The following KCNK2 variants were observed in gnomAD, a reference collection of about 807,000 sequenced individuals.
KCNK2 encodes the protein potassium two pore domain channel subfamily K member 2.
KCNK2 carries 21 observed loss-of-function variants against 40.5 expected under a neutral mutation model. That is an observed-to-expected ratio of 0.52 (90% CI 0.37 to 0.75). The LOEUF (loss-of-function observed/expected upper bound fraction) is 0.75. Among genes scored for constraint, KCNK2 ranks in the 30% least tolerant of loss-of-function variants. The pLI, the probability that KCNK2 is intolerant of heterozygous loss-of-function variation, is 0.00. For synonymous variants in KCNK2, 191 were observed against 202.2 expected (o/e 0.94, Z 0.47); for missense variants, 399 against 531.6 (o/e 0.75, Z 2.45).
At chr1:215,166,458 T>G (rs1407662647) in intron 3 of KCNK2, among the ~76,000 whole-genome samples, 1 of 152,152 alleles carries the variant, frequency 6.6e-6, no homozygotes, top group African/African-American at 2.4e-5. Context: ...TAATCCTAAC[T>G]TTTTGGTAGC....
At chr1:215,039,355 C>A (rs2102491374) in intron 1 of KCNK2, among the ~76,000 whole-genome samples, 1 of 152,228 alleles carries the variant, frequency 6.6e-6, no homozygotes, top group Middle Eastern at 3.4e-3. Flanking sequence ...AGCCACTTAT[C>A]AGAGAAGCCA....
chr1:215,124,633 C>T lies in KCNK2; in HGVS notation c.358C>T (p.Gln120Ter). Residue 120 changes from glutamine to a stop codon, truncating the protein, a stop_gained and splice_region_variant, in exon 3 of 7, where the codon CAA (glutamine) becomes TAA (stop). Coordinates refer to ENST00000444842, the MANE Select transcript of KCNK2 (RefSeq NM_001017425.3). LOFTEE classifies it high-confidence loss of function. ...NSTELDELIQ[Q>*]IVAAINAGII... is the part of the protein sequence containing the mutation. ...GATAAATTTCTTTTTAAACTTGCAG[C>T]AAATAGTGGCAGCAATAAATGCAGG... The T allele has an allele frequency of 6.3e-7, 1 of 1,584,806 alleles. No homozygotes were observed. The highest frequency in any genetic ancestry group is 8.7e-7 in the Non-Finnish European group (1 of 1,153,364).
At chr1:215,224,256 T>C (rs1222315719) in intron 6 of KCNK2, among the ~76,000 whole-genome samples, 1 of 152,070 alleles carries the variant, frequency 6.6e-6, no homozygotes, top group African/African-American at 2.4e-5. Context: ...TCTAAGTGGG[T>C]AACCCCACTT....
chr1:215,173,998 G>A (rs1045028806), intron 5 of KCNK2, among the ~76,000 whole-genome samples: 1 of 152,120 alleles, frequency 6.6e-6, no homozygotes, highest in African/African-American at 2.4e-5. Context: ...GTCAATTTTG[G>A]CTTTTGTTGC....
At chr1:215,146,800 CA>C (rs1420872351) in intron 3 of KCNK2, among the ~76,000 whole-genome samples, 2 of 152,180 alleles carry the variant, frequency 1.3e-5, no homozygotes, top group Non-Finnish European at 2.9e-5. Flanking sequence ...ACTTTGTACA[CA>C]TTACTTCACT....
At chr1:215,071,936 G>A (rs1197160000) in intron 1 of KCNK2, among the ~76,000 whole-genome samples, 2 of 152,156 alleles carry the variant, frequency 1.3e-5, no homozygotes, top group Non-Finnish European at 2.9e-5. Context: ...CAAGTGCAAG[G>A]TTAGATCTTG....
At chr1:215,176,151 G>A (rs1663959043) in intron 5 of KCNK2, among the ~76,000 whole-genome samples, 1 of 152,012 alleles carries the variant, frequency 6.6e-6, no homozygotes, top group South Asian at 2.1e-4. Flanking sequence ...AGCCTTACCA[G>A]CATTATTATT....
rs545832041 is a variant in KCNK2 at position 215,120,613 on chromosome 1, C to T, written c.358-4020C>T. On this transcript the variant is annotated intron_variant, in intron 2 of 6. Transcript: ENST00000444842. ...CCTAATTGTTTGTGTGCACGTGAAT[C>T]TGTGGCATTTCCATGTTTATTAACT... is the stretch of plus-strand genomic sequence containing the variant. Among the ~76,000 whole-genome samples, 3 of 152,272 alleles carry T rather than the reference C, an allele frequency of 2.0e-5. No homozygotes were observed. In the East Asian group the frequency reaches 5.8e-4, roughly 29 times the overall value.
chr1:215,130,956 G>A (rs1467201685), intron 3 of KCNK2, among the ~76,000 whole-genome samples: 1 of 151,676 alleles, frequency 6.6e-6, no homozygotes, highest in Non-Finnish European at 1.5e-5. Flanking sequence ...CGCCTCCCAG[G>A]TTCACGCCAT....
chr1:215,034,472 A>G (rs947771369), intron 1 of KCNK2, among the ~76,000 whole-genome samples: 1 of 152,082 alleles, frequency 6.6e-6, no homozygotes, highest in Admixed American at 6.6e-5. Context: ...TAATGTAAGC[A>G]TGTATCTAAC....
intron 6 of KCNK2, among the ~76,000 whole-genome samples, chr1:215,210,409 T>G (rs1665690261): frequency 3.9e-5 from 6 of 151,912 alleles, no homozygotes. Context: ...CTTCATGAAG[T>G]GCAGTATGCA....
intron 3 of KCNK2, among the ~76,000 whole-genome samples, chr1:215,161,700 GCTTGCTGAGAATGATGGTTT>G (rs1663204091): frequency 6.6e-6 from 1 of 151,630 alleles, no homozygotes; most frequent in African/African-American, 2.4e-5. Flanking sequence ...TTCCTGTGTT[GCTTGCTGAGAATGATGGTTT>G]CTAGCTTCAT....
chr1:215,198,306 G>A (rs1664950637), intron 6 of KCNK2, among the ~76,000 whole-genome samples: 1 of 152,118 alleles, frequency 6.6e-6, no homozygotes, highest in Non-Finnish European at 1.5e-5. Context: ...CTGGACAGGG[G>A]AGCCAGTTGA....
At position 215,221,024 on chromosome 1, in the gene KCNK2, C is replaced by A. The variant is rs188065028; in HGVS notation, c.964-13804C>A. Among the ~76,000 whole-genome samples, 320 of 152,356 alleles carry A rather than the reference C, an allele frequency of 2.1e-3. 2 individuals carry two copies. The highest frequency in any genetic ancestry group is 7.0e-3 in the African/African-American group (292 of 41,580). On this transcript the variant is annotated intron_variant, in intron 6 of 6. Transcript: ENST00000444842. The stretch of plus-strand genomic sequence containing the variant: ...TTGAACAATGCAGGAGTGAGGGGCA[C>A]TGACCCCTTTCCCTGCACAGTCAAA...
At chr1:215,053,601 C>G (rs1342360859) in intron 1 of KCNK2, among the ~76,000 whole-genome samples, 1 of 152,124 alleles carries the variant, frequency 6.6e-6, no homozygotes, top group East Asian at 1.9e-4. Context: ...ACAATTGCAA[C>G]CAGGAAATTC....
chr1:215,171,982 C>G lies in KCNK2; in HGVS notation c.637-15C>G, dbSNP rs774576824. 2.5e-6 allele frequency: 4 copies of G among 1,588,108 alleles called. No homozygotes were observed. In the Admixed American group the frequency reaches 6.7e-5, roughly 27 times the overall value. On this transcript the variant is annotated splice_polypyrimidine_tract_variant and intron_variant, in intron 4 of 6. Transcript: ENST00000444842. ...CATATATATATATACACACACCTTT[C>G]TGTCTCATCCCTAGAAGTGGAATGT...
At chr1:215,032,002 C>T (rs891277598) in intron 1 of KCNK2, among the ~76,000 whole-genome samples, 1 of 151,954 alleles carries the variant, frequency 6.6e-6, no homozygotes, top group Non-Finnish European at 1.5e-5. Context: ...CGTATCATTG[C>T]GGTCAATCAT....
At chr1:215,022,187 C>CT (rs1656829737) in intron 1 of KCNK2, among the ~76,000 whole-genome samples, 1 of 138,100 alleles carries the variant, frequency 7.2e-6, no homozygotes, top group Non-Finnish European at 1.6e-5. Flanking sequence ...TAGGAGCACT[C>CT]TAACAGTCAA....
intron 1 of KCNK2, among the ~76,000 whole-genome samples, chr1:215,012,499 A>C (rs1656438706): frequency 6.7e-6 from 1 of 150,366 alleles, no homozygotes; most frequent in African/African-American, 2.4e-5. Flanking sequence ...TTGAGACAGG[A>C]TCTCACTCTG....
Sources: allele counts gnomAD v4.1 joint callset (sites outside exome capture counted in the v4.1 genomes callset), GRCh38; gene constraint gnomAD v4.1.1; transcripts MANE v1.5; gene names NCBI Gene and HGNC (gene_info 2026-07-23, HGNC 2026-07-21).